The following XKR4 variants were observed in gnomAD, a reference collection of about 807,000 sequenced individuals.
XKR4 encodes XK-related protein 4.
In XKR4, 12 loss-of-function variants were observed where a neutral mutation model predicts 53.9. The ratio of observed to expected loss-of-function variants is 0.22; its 90% CI spans 0.14 to 0.36. The LOEUF is 0.36. Ranked by LOEUF, XKR4 falls within the 10% of genes least tolerant of loss-of-function variation. The pLI is 1.00. For missense variants in XKR4, 799 were observed against 859.5 expected (o/e 0.93, Z 0.88); for synonymous variants, 354 against 362.4 (o/e 0.98, Z 0.26).
chr8:55,263,997 A>G (rs1158386341), intron 1 of XKR4, among the ~76,000 whole-genome samples: 1 of 152,242 alleles, frequency 6.6e-6, no homozygotes, highest in East Asian at 1.9e-4. Context: ...TTTCTTCACC[A>G]TCCAGAACAG....
chr8:55,523,886 C>A lies in XKR4; in HGVS notation c.1612C>A (p.Pro538Thr). Residue 538 changes from proline to threonine, a missense_variant, in exon 3 of 3, where the codon CCC (proline) becomes ACC (threonine). Transcript: ENST00000327381. Reference protein sequence around the residue: ...CEDPAAAFTLPPDVATSTLRS... With the variant: ...CEDPAAAFTLTPDVATSTLRS... Reference sequence around the variant, plus strand: ...GGACCCAGCCGCTGCCTTCACTTTGCCCCCAGACGTGGCCACAAGCACCCT... The same window carrying A: ...GGACCCAGCCGCTGCCTTCACTTTGACCCCAGACGTGGCCACAAGCACCCT... 6.2e-7 allele frequency: 1 copy of A among 1,614,162 alleles called. No homozygotes were observed. The highest frequency in any genetic ancestry group is 1.1e-5 in the South Asian group (1 of 91,080).
In XKR4 at chr8:55,102,557, G is replaced by T; in HGVS notation, c.69G>T (p.Gln23His). Residue 23 changes from glutamine to histidine, a missense_variant, in exon 1 of 3, where the codon CAG becomes CAT. Physicochemically the swap from Gln to His is conservative, Grantham distance 24 (BLOSUM62 0). This residue lies in a region of XKR4 where 476 missense variants were observed against 505.4 expected (regional missense o/e 0.94). Coordinates refer to ENST00000327381, the MANE Select transcript of XKR4 (RefSeq NM_052898.2). This position sits in a 1 kb window ranked among gnomAD's most constrained non-coding sequence, Gnocchi z 5.1. ...KSSDVAFTPL[Q>H]NSDHSGSVQG... ...GCGACGTGGCGTTCACCCCGCTGCA[G>T]AACTCGGACCACTCGGGCTCGGTGC... is the stretch of plus-strand genomic sequence containing the variant. 2 of 1,554,006 alleles carry T rather than the reference G, an allele frequency of 1.3e-6. No homozygotes were observed. The highest frequency in any genetic ancestry group is 1.7e-6 in the Non-Finnish European group (2 of 1,147,660).
chr8:55,408,506 C>T (rs4266628), intron 2 of XKR4, among the ~76,000 whole-genome samples: 9,401 of 152,226 alleles, frequency 0.062, 486 homozygotes, highest in African/African-American at 0.14. Context: ...GGACAGCCCC[C>T]CAGTGGGTGG....
intron 1 of XKR4, among the ~76,000 whole-genome samples, chr8:55,230,500 C>T (rs1368041329): frequency 1.3e-5 from 2 of 151,834 alleles, no homozygotes; most frequent in Non-Finnish European, 2.9e-5. Context: ...TCCCGAGTAG[C>T]TGGGACTATG....
chr8:55,115,747 A>ACT (rs1491586551), intron 1 of XKR4, among the ~76,000 whole-genome samples: 1 of 151,586 alleles, frequency 6.6e-6, no homozygotes, highest in Non-Finnish European at 1.5e-5. Context: ...ATGCCACTGT[A>ACT]CTCCAGCCTG....
intron 2 of XKR4, among the ~76,000 whole-genome samples, chr8:55,476,736 G>A (rs1313264821): frequency 3.3e-5 from 5 of 152,076 alleles, no homozygotes; most frequent in Non-Finnish European, 7.3e-5. Flanking sequence ...GACACACCAG[G>A]AGATTATATC....
At chr8:55,136,809 C>A (rs1011859706) in intron 1 of XKR4, among the ~76,000 whole-genome samples, 2 of 152,154 alleles carry the variant, frequency 1.3e-5, no homozygotes, top group African/African-American at 2.4e-5. Flanking sequence ...ACAACTTTAG[C>A]TCTTAAAATA....
chr8:55,138,410 C>G (rs553792597), intron 1 of XKR4, among the ~76,000 whole-genome samples: 1 of 152,012 alleles, frequency 6.6e-6, no homozygotes, highest in African/African-American at 2.4e-5. Context: ...TGGAGAAATG[C>G]GAGAAGTTTT....
At position 55,514,966 on chromosome 8, in the gene XKR4, T is replaced by G. The variant is rs182498159; in HGVS notation, c.1007-8315T>G. ...GAGAAATTTTAATAAAAAACTAAATTTTATAATGGAATGGAGCTATGTGAG... is the reference window on the plus strand; with the variant it reads ...GAGAAATTTTAATAAAAAACTAAATGTTATAATGGAATGGAGCTATGTGAG... On this transcript the variant is annotated intron_variant, in intron 2 of 2. Transcript: ENST00000327381. Among the ~76,000 whole-genome samples, 134 of 152,316 alleles carry G rather than the reference T, an allele frequency of 8.8e-4. 1 individual carries two copies. The highest frequency in any genetic ancestry group is 3.2e-3 in the African/African-American group (133 of 41,572).
chr8:55,172,790 G>C (rs1004584618), intron 1 of XKR4, among the ~76,000 whole-genome samples: 2 of 152,210 alleles, frequency 1.3e-5, no homozygotes, highest in African/African-American at 4.8e-5. Flanking sequence ...GAAAATCTGG[G>C]AGTAAAATGG....
intron 1 of XKR4, among the ~76,000 whole-genome samples, chr8:55,114,746 C>T (rs185624009): frequency 3.5e-4 from 54 of 152,212 alleles, no homozygotes; most frequent in Middle Eastern, 6.8e-3. Context: ...CACTCAGGGA[C>T]GTCAACTGCC....
rs1563374727 is a variant in XKR4 at position 55,530,203 on chromosome 8, GGAA to G, written c.*5978_*5980del. 2 of 98,422 alleles carry G rather than the reference GGAA, an allele frequency of 2.0e-5. No individual in the cohort carries two copies. Among genetic ancestry groups the G allele is most frequent in the African/African-American group, 7.7e-5 (2 of 25,960 alleles). The allele number at this position is 98,422 out of a possible 1,614,324, so 6.1% of individuals were successfully genotyped here. ...AGGAAGGAAGGAAGGAAGGAAGGAAGGAAGGAGATTTAACAAGTCTTTGAAGTG... is the reference window on the plus strand; with the variant it reads ...AGGAAGGAAGGAAGGAAGGAAGGAAGGGAGATTTAACAAGTCTTTGAAGTG... On this transcript the variant is annotated 3_prime_UTR_variant, in exon 3 of 3. Coordinates refer to ENST00000327381, the MANE Select transcript of XKR4 (RefSeq NM_052898.2).
intron 2 of XKR4, among the ~76,000 whole-genome samples, chr8:55,415,628 G>A (rs1804835828): frequency 6.6e-6 from 1 of 152,084 alleles, no homozygotes; most frequent in African/African-American, 2.4e-5. Context: ...AAACTCCTTC[G>A]AAGCCACTGT....
intron 1 of XKR4, among the ~76,000 whole-genome samples, chr8:55,267,223 A>AG (rs1471549107): frequency 6.6e-6 from 1 of 151,246 alleles, no homozygotes; most frequent in Non-Finnish European, 1.5e-5. Flanking sequence ...TCCAAACTAG[A>AG]GAAAAAAAAA....
At chr8:55,339,331 A>G (rs1279430973) in intron 1 of XKR4, among the ~76,000 whole-genome samples, 1 of 152,222 alleles carries the variant, frequency 6.6e-6, no homozygotes, top group Non-Finnish European at 1.5e-5. Flanking sequence ...GGTCAAAAAG[A>G]GTAAGTAGCA....
At chr8:55,420,521 A>C (rs981729962) in intron 2 of XKR4, among the ~76,000 whole-genome samples, 2 of 148,946 alleles carry the variant, frequency 1.3e-5, no homozygotes, top group African/African-American at 5.2e-5. Context: ...CATTCTCAGT[A>C]AACTATCGCA....
Position 55,357,859 on chromosome 8 carries a change from A to G in XKR4, c.988A>G (p.Ser330Gly), listed in dbSNP as rs755866534. 24 of 1,612,996 alleles carry G rather than the reference A, an allele frequency of 1.5e-5. No homozygotes were observed. Among genetic ancestry groups the G allele is most frequent in the Admixed American group, 5.0e-5 (3 of 59,980 alleles). ...LQLCIIVQTH[S>G]LQALQGFTAA... The stretch of plus-strand genomic sequence containing the variant: ...GCTCTGCATTATCGTACAGACTCAT[A>G]GCTTACAGGCCCTCCAAGGTAAGGG... The change falls in exon 2 of 3, where the codon AGC becomes GGC. Residue 330 changes from serine (S) to glycine (G), a missense_variant. Transcript: ENST00000327381.
intron 1 of XKR4, among the ~76,000 whole-genome samples, chr8:55,183,019 G>T (rs958156356): frequency 6.6e-6 from 1 of 151,922 alleles, no homozygotes; most frequent in African/African-American, 2.4e-5. Flanking sequence ...GATTTTATCT[G>T]CATTGTCAAA....
rs956693785 is a variant in XKR4, at chr8:55,535,075, A to T, written c.*10848A>T. The T allele has an allele frequency of 6.6e-6, 1 of 152,224 alleles. No individual in the cohort carries two copies. Among genetic ancestry groups the T allele is most frequent in the Non-Finnish European group, 1.5e-5 (1 of 68,038 alleles). 9.4% of individuals were successfully genotyped at this position (152,224 alleles called of 1,614,324 possible). A position where few individuals can be genotyped will look rare whatever the true frequency, so the allele number is the denominator to read the frequency against. Reference sequence around the variant, plus strand: ...ACCTTGGTAGTTATCACCAAGATGTATAATAGCAAGCACTACTGAATGATC... The same window carrying T: ...ACCTTGGTAGTTATCACCAAGATGTTTAATAGCAAGCACTACTGAATGATC... On this transcript the variant is annotated 3_prime_UTR_variant, in exon 3 of 3. Transcript: ENST00000327381.
Sources: gnomAD v4.1 joint callset for allele counts (sites outside exome capture counted in the v4.1 genomes callset) on GRCh38, gnomAD v4.1.1 for gene constraint, gnomAD v4.1.1 regional missense constraint, Gnocchi (gnomAD v3.1) non-coding constraint, MANE v1.5 for transcripts, NCBI Gene and HGNC (gene_info 2026-07-23, HGNC 2026-07-21) for gene names.